Variants in WWP2 observed in about 807,000 individuals in gnomAD.
WWP2 encodes the protein WW domain containing E3 ubiquitin protein ligase 2.
A neutral mutation model predicts 121.0 loss-of-function variants in WWP2; 57 were observed. That is an observed-to-expected ratio of 0.47 (90% confidence interval 0.38 to 0.59). The LOEUF (loss-of-function observed/expected upper bound fraction) is 0.59, where lower values mean the gene tolerates loss of function less well. Ranked by LOEUF, WWP2 falls within the 20% of genes least tolerant of loss-of-function variation. The probability of loss-of-function intolerance (pLI) is 0.00; values close to 1 mark genes in which losing one functional copy is unlikely to be tolerated. For missense variants in WWP2, 962 were observed against 1,158.9 expected, an observed-to-expected ratio of 0.83 and a Z score of 2.47; for synonymous variants, 449 against 441.3, an observed-to-expected ratio of 1.02 and a Z score of -0.22.
At chr16:69,787,135 A>G in intron 2 of WWP2, 55 bp downstream of exon 2, 1 of 1,519,090 alleles carries the variant, frequency 6.6e-7, no homozygotes, top group Non-Finnish European at 8.9e-7. Context: ...AAGAGGGAGA[A>G]TCTAACCACA....
intron 6 of WWP2, among the ~76,000 whole-genome samples, chr16:69,871,065 C>T (rs2057626719): frequency 6.6e-6 from 1 of 151,998 alleles, no homozygotes. Context: ...GTGGGAGGAT[C>T]GTTTGAGCTC....
Position 69,799,475 on chromosome 16 carries a change from TTAGCCCTCTTTG to T in WWP2, c.340+182_340+193del. On this transcript the variant is annotated intron_variant, in intron 4 of 23. Transcript: ENST00000359154. This position sits in a 1 kb window ranked among gnomAD's most constrained non-coding sequence, Gnocchi z 4.5. ...CTCCTCTCTGCCTCCACTACAGAGTTTAGCCCTCTTTGTCCAGGGCCTCTAGTAATGTGATGC... is the reference window on the plus strand; with the variant it reads ...CTCCTCTCTGCCTCCACTACAGAGTTTCCAGGGCCTCTAGTAATGTGATGC... The T allele has an allele frequency of 1.3e-6, 1 of 770,570 alleles. No homozygotes were observed. The highest frequency in any genetic ancestry group is 3.3e-5 in the Admixed American group (1 of 30,350). 47.7% of individuals were successfully genotyped at this position (770,570 alleles called of 1,614,324 possible).
At chr16:69,771,933 A>G (rs1412883448) in intron 1 of WWP2, among the ~76,000 whole-genome samples, 1 of 149,734 alleles carries the variant, frequency 6.7e-6, no homozygotes, top group Non-Finnish European at 1.5e-5. Flanking sequence ...CCTGTTGAGA[A>G]ACTAAAAGTC....
chr16:69,804,196 C>T (rs1024122344), intron 4 of WWP2, among the ~76,000 whole-genome samples: 3 of 152,100 alleles, frequency 2.0e-5, no homozygotes, highest in Non-Finnish European at 2.9e-5. Context: ...TCCAATCTGT[C>T]ACCCTTTATG....
chr16:69,912,752 C>A (rs905943665), intron 9 of WWP2, among the ~76,000 whole-genome samples: 2 of 149,856 alleles, frequency 1.3e-5, no homozygotes, highest in African/African-American at 4.9e-5. Flanking sequence ...CTGTTAAATG[C>A]GAATGAACAC....
chr16:69,780,455 C>T (rs1281333571), intron 1 of WWP2, among the ~76,000 whole-genome samples: 2 of 152,172 alleles, frequency 1.3e-5, no homozygotes, highest in Non-Finnish European at 2.9e-5. Flanking sequence ...AACATGGCCT[C>T]TTCTGTGTGT....
chr16:69,842,625 C>T (rs1349972278), intron 6 of WWP2, among the ~76,000 whole-genome samples: 2 of 152,164 alleles, frequency 1.3e-5, no homozygotes, highest in Non-Finnish European at 2.9e-5. Flanking sequence ...TAATGGCCTC[C>T]ACTCTCCGGC....
chr16:69,900,385 T>G (rs563137398), intron 8 of WWP2, among the ~76,000 whole-genome samples: 1 of 152,214 alleles, frequency 6.6e-6, no homozygotes, highest in South Asian at 2.1e-4. Context: ...CCCAGCACTT[T>G]TGGGAGGCCG....
intron 4 of WWP2, among the ~76,000 whole-genome samples, chr16:69,832,822 T>TG (rs2056816290): frequency 1.3e-5 from 2 of 148,352 alleles, no homozygotes; most frequent in African/African-American, 5.0e-5. Flanking sequence ...GGATTACAGG[T>TG]GTGAACCACT....
intron 6 of WWP2, among the ~76,000 whole-genome samples, chr16:69,862,316 C>T (rs1780077757): frequency 1.3e-5 from 2 of 152,200 alleles, no homozygotes; most frequent in South Asian, 4.1e-4. Context: ...CCACTCACCT[C>T]GGCCTCCCAA....
At position 69,931,577 on chromosome 16, in the gene WWP2, A is replaced by G. The variant is rs2058714124; in HGVS notation, c.1590A>G (p.Gln530=). The G allele has an allele frequency of 6.2e-7, 1 of 1,613,850 alleles. No homozygotes were observed. ...AGACGCTTTTCGAAGATTCCTTCCA[A>G]CAGGTTAGATCATGGTGCCCGAAAC... ...SRQTLFEDSF[Q]QIMNMKPYDL... The change falls in exon 15 of 24, where the codon CAA becomes CAG. Residue 530 remains glutamine, a synonymous_variant. Coordinates refer to ENST00000359154, the MANE Select transcript of WWP2 (RefSeq NM_001270454.2).
intron 4 of WWP2, among the ~76,000 whole-genome samples, chr16:69,809,956 C>G (rs1396469597): frequency 2.6e-5 from 4 of 152,158 alleles, no homozygotes; most frequent in Non-Finnish European, 1.5e-5. Flanking sequence ...TGGTGTGGAA[C>G]AATGTTTGCA....
rs1239661691 is a variant in WWP2, at chr16:69,931,903, G to A, written c.1682+13G>A. On this transcript the variant is annotated intron_variant, in intron 16 of 23. Coordinates refer to ENST00000359154, the MANE Select transcript of WWP2 (RefSeq NM_001270454.2). ...GGGGCATCGCCAGGTGAGCTTGAGT[G>A]CCCCGGAAGGCTGCCCTGTACCCCG... 2 of 1,609,808 alleles carry A rather than the reference G, an allele frequency of 1.2e-6. No individual in the cohort carries two copies. Among genetic ancestry groups the A allele is most frequent in the East Asian group, 2.2e-5 (1 of 44,862 alleles).
chr16:69,929,304 C>A, intron 11 of WWP2, 144 bp from the exon 12 acceptor site: 1 of 687,528 alleles, frequency 1.5e-6, no homozygotes, highest in Non-Finnish European at 2.5e-6. Context: ...TGTGAGTGAG[C>A]TTGGCTTTGG....
chr16:69,940,465 C>T lies in WWP2; in HGVS notation c.*525C>T, dbSNP rs1270671157. Reference sequence around the variant, plus strand: ...GGAGCGGGCCCTGGGGCGAGGCCATCTCTGCCTGCCTCCCTAGCAGGCGCC... The same window carrying T: ...GGAGCGGGCCCTGGGGCGAGGCCATTTCTGCCTGCCTCCCTAGCAGGCGCC... On this transcript the variant is annotated 3_prime_UTR_variant, in exon 24 of 24. Transcript: ENST00000359154. 2 of 154,184 alleles carry T rather than the reference C, an allele frequency of 1.3e-5. No individual in the cohort carries two copies. The highest frequency in any genetic ancestry group is 2.9e-5 in the Non-Finnish European group (2 of 69,276). 9.6% of individuals were successfully genotyped at this position (154,184 alleles called of 1,614,324 possible).
chr16:69,809,554 G>A (rs754584756), intron 4 of WWP2, among the ~76,000 whole-genome samples: 3 of 152,106 alleles, frequency 2.0e-5, no homozygotes, highest in Non-Finnish European at 2.9e-5. Flanking sequence ...ATCACCTGAG[G>A]TCAGGAGTTC....
chr16:69,781,528 T>C (rs2055664201), intron 1 of WWP2, among the ~76,000 whole-genome samples: 1 of 151,890 alleles, frequency 6.6e-6, no homozygotes, highest in African/African-American at 2.4e-5. Flanking sequence ...TGTATTTTTT[T>C]TGGAGAGATG....
intron 6 of WWP2, among the ~76,000 whole-genome samples, chr16:69,857,024 T>C (rs9929123): frequency 0.042 from 6,435 of 152,266 alleles, 430 homozygotes; most frequent in African/African-American, 0.14. Flanking sequence ...TGATTCTTGA[T>C]ATCTTTAGAG....
chr16:69,903,927 T>C (rs192914134), intron 8 of WWP2, among the ~76,000 whole-genome samples: 2 of 152,312 alleles, frequency 1.3e-5, no homozygotes, highest in Admixed American at 1.3e-4. Context: ...ATTAGGGCTT[T>C]TGTGCCACAA....
Sources: gnomAD v4.1 joint callset for allele counts (sites outside exome capture counted in the v4.1 genomes callset) on GRCh38, gnomAD v4.1.1 for gene constraint, Gnocchi (gnomAD v3.1) non-coding constraint, MANE v1.5 for transcripts, NCBI Gene and HGNC (gene_info 2026-07-23, HGNC 2026-07-21) for gene names.